The following GALNTL6 variants were observed in gnomAD, a reference collection of about 807,000 sequenced individuals.
GALNTL6 encodes polypeptide N-acetylgalactosaminyltransferase like 6.
Under a neutral mutation model 73.7 loss-of-function variants are expected in GALNTL6, and 46 were observed. The ratio of observed to expected loss-of-function variants is 0.62; its 90% CI spans 0.49 to 0.80. GALNTL6 has a LOEUF of 0.80. Ranked by LOEUF, GALNTL6 falls within the 30% of genes least tolerant of loss-of-function variation. The pLI, the probability that GALNTL6 is intolerant of heterozygous loss-of-function variation, is 0.00. For missense variants in GALNTL6, 604 were observed against 755.0 expected (o/e 0.80, Z 2.34); for synonymous variants, 259 against 263.7 (o/e 0.98, Z 0.17).
chr4:172,774,987 AATAATAATAATAAT>A (rs1482843753), intron 5 of GALNTL6, among the ~76,000 whole-genome samples: 26 of 149,012 alleles, frequency 1.7e-4, no homozygotes, highest in Non-Finnish European at 1.8e-4. Flanking sequence ...TAATAATAAT[AATAATAATAATAAT>A]AAAATCCAGA....
At chr4:171,893,395 A>T (rs1008815444) in intron 2 of GALNTL6, among the ~76,000 whole-genome samples, 3 of 152,182 alleles carry the variant, frequency 2.0e-5, no homozygotes, top group Non-Finnish European at 2.9e-5. Flanking sequence ...TATAAAACCT[A>T]GATCCAAACA....
At chr4:173,038,546 CTT>C (rs1298217882) in intron 12 of GALNTL6, among the ~76,000 whole-genome samples, 1 of 152,184 alleles carries the variant, frequency 6.6e-6, no homozygotes, top group East Asian at 1.9e-4. Context: ...CAGGAGCCCT[CTT>C]TGTGTAAGGA....
intron 2 of GALNTL6, among the ~76,000 whole-genome samples, chr4:171,934,009 T>A (rs1011056405): frequency 6.6e-6 from 1 of 152,232 alleles, no homozygotes; most frequent in Non-Finnish European, 1.5e-5. Flanking sequence ...ATTCCTGGAC[T>A]ACAGGTTAAA....
At chr4:172,773,053 C>T (rs761570944) in intron 5 of GALNTL6, among the ~76,000 whole-genome samples, 7 of 152,180 alleles carry the variant, frequency 4.6e-5, no homozygotes, top group African/African-American at 7.2e-5. Flanking sequence ...TAAAACAAAA[C>T]TCTGCAAAGA....
chr4:172,969,439 A>G (rs944231450), intron 10 of GALNTL6, among the ~76,000 whole-genome samples: 1 of 152,232 alleles, frequency 6.6e-6, no homozygotes, highest in African/African-American at 2.4e-5. Context: ...ATTCAAAGAA[A>G]CCTTTTCAAA....
At chr4:171,839,153 G>T (rs1735179765) in intron 2 of GALNTL6, among the ~76,000 whole-genome samples, 1 of 152,068 alleles carries the variant, frequency 6.6e-6, no homozygotes, top group Non-Finnish European at 1.5e-5. Context: ...GGTAAAAAAG[G>T]CACAGGCTGA....
chr4:172,052,914 T>C (rs991793731), intron 2 of GALNTL6, among the ~76,000 whole-genome samples: 5 of 152,170 alleles, frequency 3.3e-5, no homozygotes, highest in African/African-American at 9.6e-5. Flanking sequence ...AAAACTAAGT[T>C]ATACTTGCCC....
chr4:172,734,491 A>G (rs377078058), intron 5 of GALNTL6, among the ~76,000 whole-genome samples: 99 of 152,310 alleles, frequency 6.5e-4, no homozygotes, highest in African/African-American at 2.3e-3. Flanking sequence ...GGCCCCATAC[A>G]AATCTGAAAT....
chr4:172,663,671 A>G (rs1479733644), intron 5 of GALNTL6, among the ~76,000 whole-genome samples: 1 of 152,142 alleles, frequency 6.6e-6, no homozygotes, highest in African/African-American at 2.4e-5. Flanking sequence ...GCTCACGCCT[A>G]TAATCCCAGC....
chr4:172,949,046 CAAAA>C (rs1749311552), intron 9 of GALNTL6, among the ~76,000 whole-genome samples: 1 of 152,170 alleles, frequency 6.6e-6, no homozygotes, highest in African/African-American at 2.4e-5. Context: ...ATATCTATTT[CAAAA>C]ATCCAAAGCA....
chr4:171,988,839 G>C (rs143435152), intron 2 of GALNTL6, among the ~76,000 whole-genome samples: 2 of 152,032 alleles, frequency 1.3e-5, no homozygotes, highest in Non-Finnish European at 2.9e-5. Flanking sequence ...ATGATCGGTC[G>C]CTAAGGAGGG....
chr4:172,924,440 G>T (rs1191699344), intron 8 of GALNTL6, among the ~76,000 whole-genome samples: 1 of 152,210 alleles, frequency 6.6e-6, no homozygotes, highest in African/African-American at 2.4e-5. Context: ...CCTAGTGAGT[G>T]CTCACTACGT....
intron 10 of GALNTL6, among the ~76,000 whole-genome samples, chr4:172,958,801 G>A (rs772020094): frequency 3.3e-5 from 5 of 152,188 alleles, no homozygotes; most frequent in African/African-American, 7.2e-5. Flanking sequence ...AAGTGAAAGC[G>A]AAGAGAGGCT....
At chr4:172,457,794 C>T (rs909508739) in intron 5 of GALNTL6, among the ~76,000 whole-genome samples, 15 of 152,128 alleles carry the variant, frequency 9.9e-5, no homozygotes, top group East Asian at 3.8e-4. Flanking sequence ...CAATATTAGA[C>T]GTATCAACGA....
At chr4:172,887,517 A>G (rs947246494) in intron 8 of GALNTL6, among the ~76,000 whole-genome samples, 1 of 151,290 alleles carries the variant, frequency 6.6e-6, no homozygotes, top group African/African-American at 2.4e-5. Flanking sequence ...CAGCCCTGCC[A>G]ACATATTATA....
At chr4:172,977,280 T>C (rs780373830) in intron 10 of GALNTL6, among the ~76,000 whole-genome samples, 9 of 152,338 alleles carry the variant, frequency 5.9e-5, no homozygotes, top group East Asian at 1.9e-4. Context: ...AGCCCTTCCA[T>C]TGAAGCTAGG....
chr4:171,862,414 T>G (rs186146611), intron 2 of GALNTL6, among the ~76,000 whole-genome samples: 259 of 152,206 alleles, frequency 1.7e-3, no homozygotes, highest in African/African-American at 5.9e-3. Flanking sequence ...AATCATGTAT[T>G]AATGAAATTT....
chr4:172,792,457 A>C (rs1225668960), intron 5 of GALNTL6, among the ~76,000 whole-genome samples: 1 of 152,136 alleles, frequency 6.6e-6, no homozygotes, highest in Non-Finnish European at 1.5e-5. Context: ...GTGAGGAAAA[A>C]TGAAGTCCTG....
chr4:171,905,957 C>T (rs1431209806), intron 2 of GALNTL6, among the ~76,000 whole-genome samples: 1 of 150,682 alleles, frequency 6.6e-6, no homozygotes, highest in Non-Finnish European at 1.5e-5. Flanking sequence ...AGAACAAAGA[C>T]ACAACATACC....
Sources: gnomAD v4.1 joint callset for allele counts (sites outside exome capture counted in the v4.1 genomes callset) on GRCh38, gnomAD v4.1.1 for gene constraint, MANE v1.5 for transcripts, NCBI Gene and HGNC (gene_info 2026-07-23, HGNC 2026-07-21) for gene names.